The following HECW2 variants were observed in gnomAD, a reference collection of about 807,000 sequenced individuals.
HECW2 encodes the protein HECT, C2 and WW domain containing E3 ubiquitin protein ligase 2.
In HECW2, 61 loss-of-function variants were observed where a neutral mutation model predicts 175.2. The ratio of observed to expected loss-of-function variants is 0.35; its 90% CI spans 0.28 to 0.43. The LOEUF is 0.43. Ranked by LOEUF, HECW2 falls within the 20% of genes least tolerant of loss-of-function variation. HECW2 has a pLI of 1.00. For missense variants in HECW2, 1,524 were observed against 2,000.5 expected (o/e 0.76, Z 4.54); for synonymous variants, 671 against 731.0 (o/e 0.92, Z 1.32).
At chr2:196,461,946 A>G (rs563345130) in intron 1 of HECW2, among the ~76,000 whole-genome samples, 18 of 152,284 alleles carry the variant, frequency 1.2e-4, no homozygotes, top group African/African-American at 4.3e-4. Flanking sequence ...ACAAATGTTC[A>G]CTAGCAGCTT....
At chr2:196,408,118 T>C (rs541592134) in intron 2 of HECW2, among the ~76,000 whole-genome samples, 7 of 152,222 alleles carry the variant, frequency 4.6e-5, no homozygotes, top group Non-Finnish European at 1.0e-4. Flanking sequence ...TCTAAATCAG[T>C]ACTCCAATTC....
chr2:196,468,307 A>G (rs1697046963), intron 1 of HECW2, among the ~76,000 whole-genome samples: 1 of 152,174 alleles, frequency 6.6e-6, no homozygotes, highest in South Asian at 2.1e-4. Context: ...TTGTTCTTTA[A>G]AGACGAATGT....
At position 196,502,744 on chromosome 2, in the gene HECW2, A is replaced by G. The variant is rs146895516; in HGVS notation, c.-35-69286T>C. ...GAGCAACTATGGACGGTCCCGCCCA[A>G]TGGAGCTCATGTGTGGTGGGACAGG... is the stretch of plus-strand genomic sequence containing the variant. On this transcript the variant is annotated intron_variant, in intron 1 of 28. Coordinates refer to ENST00000644978, the MANE Select transcript of HECW2 (RefSeq NM_001348768.2). 7.9e-5 allele frequency among the ~76,000 whole-genome samples: 12 copies of G among 152,268 alleles called. No individual in the cohort carries two copies. In the East Asian group the frequency reaches 1.4e-3, roughly 17 times the overall value.
At chr2:196,526,770 G>T (rs570672509) in intron 1 of HECW2, among the ~76,000 whole-genome samples, 1 of 152,244 alleles carries the variant, frequency 6.6e-6, no homozygotes, top group South Asian at 2.1e-4. Context: ...GCTGGGGGAT[G>T]CCTCCCAGTT....
At chr2:196,450,425 A>G (rs778714324) in intron 1 of HECW2, among the ~76,000 whole-genome samples, 36 of 151,474 alleles carry the variant, frequency 2.4e-4, no homozygotes, top group Non-Finnish European at 4.7e-4. Flanking sequence ...ATGTTCAACC[A>G]CCATTGTCTA....
At chr2:196,523,288 G>C (rs1688488884) in intron 1 of HECW2, among the ~76,000 whole-genome samples, 1 of 151,520 alleles carries the variant, frequency 6.6e-6, no homozygotes. Flanking sequence ...TCTGTTGTTG[G>C]TGTATAAGAA....
intron 28 of HECW2, among the ~76,000 whole-genome samples, chr2:196,212,391 C>T (rs1687322858): frequency 6.6e-6 from 1 of 152,092 alleles, no homozygotes; most frequent in South Asian, 2.1e-4. Context: ...TGTTATTCCC[C>T]TCTATGTGTC....
intron 1 of HECW2, among the ~76,000 whole-genome samples, chr2:196,585,738 A>G (rs1270271586): frequency 2.6e-5 from 4 of 152,156 alleles, no homozygotes; most frequent in African/African-American, 7.2e-5. Context: ...GTGGGGGCCT[A>G]TACGGAGGGT....
intron 2 of HECW2, among the ~76,000 whole-genome samples, chr2:196,367,876 TTGTGTGTGTGTGTG>T (rs34963101): frequency 6.9e-6 from 1 of 144,904 alleles, no homozygotes; most frequent in Non-Finnish European, 1.5e-5. Context: ...GTGTGTGTGT[TTGTGTGTGTGTGTG>T]TGTATGGTAC....
intron 1 of HECW2, among the ~76,000 whole-genome samples, chr2:196,444,155 A>G (rs187078958): frequency 9.8e-5 from 15 of 152,366 alleles, no homozygotes; most frequent in Admixed American, 9.1e-4. Context: ...TAAGCGGAAG[A>G]TATCTTTTCT....
intron 1 of HECW2, among the ~76,000 whole-genome samples, chr2:196,531,810 A>T (rs1176271278): frequency 2.0e-5 from 3 of 152,188 alleles, no homozygotes; most frequent in Admixed American, 6.5e-5. Flanking sequence ...ATCACTATTT[A>T]AAAATTGTCT....
At chr2:196,284,840 G>A (rs1690322020) in intron 14 of HECW2, among the ~76,000 whole-genome samples, 2 of 124,502 alleles carry the variant, frequency 1.6e-5, no homozygotes, top group Middle Eastern at 7.4e-3. Flanking sequence ...AGAGTATGTC[G>A]AGAATGCAGG....
chr2:196,265,239 CTT>C (rs1358888204), intron 17 of HECW2, among the ~76,000 whole-genome samples: 2 of 152,234 alleles, frequency 1.3e-5, no homozygotes, highest in East Asian at 3.8e-4. Context: ...AATCCCAACA[CTT>C]TGGGAGGCCC....
At chr2:196,392,339 G>A (rs539186198) in intron 2 of HECW2, among the ~76,000 whole-genome samples, 35 of 152,176 alleles carry the variant, frequency 2.3e-4, no homozygotes, top group Admixed American at 4.6e-4. Context: ...TATTCAACTC[G>A]GATAGGAATG....
rs1692453113 is a variant in HECW2, at chr2:196,333,783, C to T, written c.495+641G>A. On this transcript the variant is annotated intron_variant, in intron 4 of 28. Transcript: ENST00000644978. ...AATGGGCAGGCTTTCTTTCAAAAGTCCAACACAACAAGTTTCCTACAAAAG... is the reference window on the plus strand; with the variant it reads ...AATGGGCAGGCTTTCTTTCAAAAGTTCAACACAACAAGTTTCCTACAAAAG... 3.9e-5 allele frequency among the ~76,000 whole-genome samples: 6 copies of T among 152,252 alleles called. No homozygotes were observed. The South Asian group carries it at 1.0e-3, about 26-fold the overall frequency.
At chr2:196,510,852 A>C (rs997621572) in intron 1 of HECW2, among the ~76,000 whole-genome samples, 1 of 152,200 alleles carries the variant, frequency 6.6e-6, no homozygotes, top group Admixed American at 6.5e-5. Flanking sequence ...TTATAACCAC[A>C]AGCAATTAGT....
chr2:196,593,339 C>T (rs1259365525), intron 1 of HECW2, among the ~76,000 whole-genome samples, 169 bp downstream of exon 1: 1 of 150,652 alleles, frequency 6.6e-6, no homozygotes, highest in African/African-American at 2.4e-5. Flanking sequence ...CGGCCCCGAG[C>T]GGCCCCGCAG....
chr2:196,320,473 T>C (rs113456063), intron 7 of HECW2, 34 bp from the exon 8 acceptor site: 1 of 1,412,766 alleles, frequency 7.1e-7, no homozygotes, highest in Non-Finnish European at 1.0e-6. Context: ...TCATCCTGAC[T>C]ACGCTGGAGT....
intron 28 of HECW2, among the ~76,000 whole-genome samples, chr2:196,213,336 C>G (rs1489149185): frequency 6.6e-6 from 1 of 152,196 alleles, no homozygotes; most frequent in East Asian, 1.9e-4. Flanking sequence ...CTTTCATATA[C>G]ATTATCTTAC....
Sources: allele counts gnomAD v4.1 joint callset (sites outside exome capture counted in the v4.1 genomes callset), GRCh38; gene constraint gnomAD v4.1.1; transcripts MANE v1.5; gene names NCBI Gene and HGNC (gene_info 2026-07-23, HGNC 2026-07-21).